The following CUX1 variants were observed in gnomAD, a reference collection of about 807,000 sequenced individuals.
CUX1 encodes cut like homeobox 1.
In CUX1, 31 loss-of-function variants were observed where a neutral mutation model predicts 158.8. The ratio of observed to expected loss-of-function variants is 0.20; its 90% CI spans 0.15 to 0.26. The LOEUF is 0.26. Among genes scored for constraint, CUX1 ranks in the 10% least tolerant of loss-of-function variants. The probability of loss-of-function intolerance (pLI) is 1.00; values close to 1 mark genes in which losing one functional copy is unlikely to be tolerated. For missense variants in CUX1, 1,589 were observed against 2,014.6 expected, an observed-to-expected ratio of 0.79 and a Z score of 4.04; for synonymous variants, 879 against 862.1, an observed-to-expected ratio of 1.02 and a Z score of -0.34.
intron 20 of CUX1, among the ~76,000 whole-genome samples, chr7:102,226,653 C>T (rs1798373455): frequency 6.6e-6 from 1 of 152,082 alleles, no homozygotes; most frequent in Admixed American, 6.6e-5. Flanking sequence ...GAGATGGAGT[C>T]TCACTCTCAC....
At chr7:102,077,516 C>A (rs1482337099) in intron 4 of CUX1, among the ~76,000 whole-genome samples, 6 of 135,846 alleles carry the variant, frequency 4.4e-5, no homozygotes, top group Admixed American at 3.4e-4. Flanking sequence ...ATAGCAAAAC[C>A]CCCCATCTCT....
intron 11 of CUX1, chr7:102,187,015 G>A (rs1182159235): frequency 6.6e-6 from 1 of 151,772 alleles, no homozygotes; most frequent in Non-Finnish European, 1.5e-5. Flanking sequence ...CTGGGCAACA[G>A]AGCGAGACTC....
intron 5 of CUX1, among the ~76,000 whole-genome samples, chr7:102,103,493 C>T (rs1352325432): frequency 6.6e-6 from 1 of 152,146 alleles, no homozygotes; most frequent in Non-Finnish European, 1.5e-5. Flanking sequence ...TACAGTGGCG[C>T]AATCATAGCT....
intron 3 of CUX1, among the ~76,000 whole-genome samples, chr7:102,038,051 A>G (rs1009486003): frequency 3.0e-5 from 3 of 100,974 alleles, no homozygotes; most frequent in Non-Finnish European, 6.2e-5. Context: ...CTCTGTCTCA[A>G]AAAAAAAAAA....
intron 20 of CUX1, among the ~76,000 whole-genome samples, chr7:102,220,910 C>T (rs186638624): frequency 1.6e-4 from 24 of 152,234 alleles, no homozygotes; most frequent in East Asian, 1.3e-3. Context: ...AGGGTTTTGC[C>T]GTGTTAGCAG....
At chr7:101,821,725 A>C (rs1194709626) in intron 1 of CUX1, among the ~76,000 whole-genome samples, 1 of 105,406 alleles carries the variant, frequency 9.5e-6, no homozygotes, top group Non-Finnish European at 1.7e-5. Flanking sequence ...CCCAGGCTGG[A>C]GTGCAGTGGT....
chr7:102,156,369 G>T (rs563580501), intron 8 of CUX1, among the ~76,000 whole-genome samples: 1 of 152,094 alleles, frequency 6.6e-6, no homozygotes, highest in Non-Finnish European at 1.5e-5. Flanking sequence ...ATAACAGTAC[G>T]GATAGGGTCA....
At chr7:102,058,309 C>T (rs977010889) in intron 3 of CUX1, among the ~76,000 whole-genome samples, 4 of 152,040 alleles carry the variant, frequency 2.6e-5, no homozygotes, top group African/African-American at 7.2e-5. Context: ...AGACAGTCTC[C>T]GTCACTCAGG....
intron 11 of CUX1, among the ~76,000 whole-genome samples, chr7:102,179,962 A>G (rs1792848080): frequency 6.6e-6 from 1 of 152,058 alleles, no homozygotes; most frequent in Non-Finnish European, 1.5e-5. Flanking sequence ...TTTAAAGGAA[A>G]CCTTTTCTGG....
intron 2 of CUX1, among the ~76,000 whole-genome samples, chr7:101,986,845 A>G (rs1254709038): frequency 6.6e-6 from 1 of 152,028 alleles, no homozygotes; most frequent in Non-Finnish European, 1.5e-5. Flanking sequence ...TCCTTCTCCA[A>G]CTCAGAGCTG....
At position 102,248,168 on chromosome 7, in the gene CUX1, G is replaced by T. The variant is rs574070420; in HGVS notation, c.3888-244G>T. Among the ~76,000 whole-genome samples the T allele has an allele frequency of 1.3e-5, 2 of 152,276 alleles. No individual in the cohort carries two copies. The highest frequency in any genetic ancestry group is 3.9e-4 in the East Asian group (2 of 5,146). ...TTAAAATAAGTGCCCGCGGCAATTTGTTGCAGTGGAGAATAGGGGAGTGGT... is the reference window on the plus strand; with the variant it reads ...TTAAAATAAGTGCCCGCGGCAATTTTTTGCAGTGGAGAATAGGGGAGTGGT... On this transcript the variant is annotated intron_variant, in intron 23 of 23. Transcript: ENST00000292535. This position sits in a 1 kb window ranked among gnomAD's most constrained non-coding sequence, Gnocchi z 5.8.
At chr7:102,053,868 C>T (rs529817992) in intron 3 of CUX1, among the ~76,000 whole-genome samples, 29 of 147,534 alleles carry the variant, frequency 2.0e-4, no homozygotes, top group Admixed American at 1.2e-3. Context: ...TGCAGTGTCA[C>T]GATCTCGGCT....
Position 101,853,584 on chromosome 7 carries a change from G to GGTGTGTGTGTGT in CUX1, c.30+35942_30+35953dup, listed in dbSNP as rs59324904. On this transcript the variant is annotated intron_variant, in intron 1 of 23. Transcript: ENST00000292535. ...TATATCAGAGCATGGCAATAGAAAG[G>GGTGTGTGTGTGT]GTGTGTGTGTGTGTGTGTGTGTGTG... Among the ~76,000 whole-genome samples, 1,229 of 140,836 alleles carry GGTGTGTGTGTGT rather than the reference G, an allele frequency of 8.7e-3. 22 individuals carry two copies. The highest frequency in any genetic ancestry group is 0.029 in the African/African-American group (1,052 of 36,682). The allele number at this position is 140,836 out of a possible 152,430, so 92.4% of individuals were successfully genotyped here.
At chr7:102,175,635 C>T (rs1554511658) in intron 10 of CUX1, among the ~76,000 whole-genome samples, 1 of 152,060 alleles carries the variant, frequency 6.6e-6, no homozygotes, top group Non-Finnish European at 1.5e-5. Flanking sequence ...GATGGAGCCC[C>T]CTTTCCTTCC....
Position 102,028,128 on chromosome 7 carries a change from A to C in CUX1, c.172A>C (p.Lys58Gln). The part of the protein sequence containing the change: ...DLRKQVAPLL[K>Q]SFQGEIDALS... Reference sequence around the variant, plus strand: ...GCGCAAGCAGGTAGCGCCGCTGCTGAAGAGTTTCCAAGGAGAGGTAAGCTT... The same window carrying C: ...GCGCAAGCAGGTAGCGCCGCTGCTGCAGAGTTTCCAAGGAGAGGTAAGCTT... The change falls in exon 3 of 24, where the codon AAG (lysine) becomes CAG (glutamine). Residue 58 changes from lysine (K) to glutamine (Q), a missense_variant. By Grantham distance (53) the Lys-to-Gln change is moderately conservative (BLOSUM62 1). Transcript: ENST00000292535. 1.2e-6 allele frequency: 2 copies of C among 1,612,660 alleles called. No homozygotes were observed. The highest frequency in any genetic ancestry group is 1.7e-6 in the Non-Finnish European group (2 of 1,180,008).
chr7:102,035,200 A>C (rs1375879308), intron 3 of CUX1, among the ~76,000 whole-genome samples: 1 of 152,202 alleles, frequency 6.6e-6, no homozygotes, highest in Non-Finnish European at 1.5e-5. Context: ...TAAAGTACAG[A>C]TAGCTCTTGA....
At chr7:101,909,815 T>C (rs1011257046) in intron 1 of CUX1, among the ~76,000 whole-genome samples, 2 of 152,250 alleles carry the variant, frequency 1.3e-5, no homozygotes, top group African/African-American at 4.8e-5. Flanking sequence ...GGACCCACCC[T>C]GTGGGAGCCT....
At chr7:102,126,176 G>GGTGTGTGTGT (rs1832614825) in intron 8 of CUX1, among the ~76,000 whole-genome samples, 3 of 70,986 alleles carry the variant, frequency 4.2e-5, no homozygotes, top group African/African-American at 1.6e-4. Context: ...ACCATTTCCG[G>GGTGTGTGTGT]CTGTGTGTGT....
intron 8 of CUX1, among the ~76,000 whole-genome samples, chr7:102,135,873 G>A (rs1179000791): frequency 1.1e-4 from 16 of 151,864 alleles, no homozygotes; most frequent in Non-Finnish European, 4.4e-5. Flanking sequence ...TACTTGGGAG[G>A]CTGAGGCAGG....
Sources: gnomAD v4.1 joint callset for allele counts (sites outside exome capture counted in the v4.1 genomes callset) on GRCh38, gnomAD v4.1.1 for gene constraint, Gnocchi (gnomAD v3.1) non-coding constraint, MANE v1.5 for transcripts, NCBI Gene and HGNC (gene_info 2026-07-23, HGNC 2026-07-21) for gene names.